The following NGEF variants were observed in gnomAD, a reference collection of about 807,000 sequenced individuals.
NGEF encodes neuronal guanine nucleotide exchange factor.
A neutral mutation model predicts 80.9 loss-of-function variants in NGEF; 31 were observed. The ratio of observed to expected loss-of-function variants is 0.38; its 90% CI spans 0.29 to 0.52. The LOEUF is 0.52. Among genes scored for constraint, NGEF ranks in the 20% least tolerant of loss-of-function variants. NGEF has a pLI of 0.84. For synonymous variants in NGEF, 371 were observed against 370.2 expected (o/e 1.00, Z -0.03); for missense variants, 709 against 926.2 (o/e 0.77, Z 3.04).
chr2:232,912,512 G>C (rs1438433444), intron 5 of NGEF, among the ~76,000 whole-genome samples: 1 of 152,140 alleles, frequency 6.6e-6, no homozygotes, highest in African/African-American at 2.4e-5. Flanking sequence ...TTTCTATCAG[G>C]TGATGCTGGC....
Position 232,892,804 on chromosome 2 carries a change from T to C in NGEF, c.1142+94A>G, listed in dbSNP as rs546466477. ...TTGGGAACGCAGAGGTAAAGGACCATGAAGTGTCACCGTGTAAGGAGCCTG... is the reference window on the plus strand; with the variant it reads ...TTGGGAACGCAGAGGTAAAGGACCACGAAGTGTCACCGTGTAAGGAGCCTG... On this transcript the variant is annotated intron_variant, in intron 7 of 14. Coordinates refer to ENST00000264051, the MANE Select transcript of NGEF (RefSeq NM_019850.3). This position sits in a 1 kb window ranked among gnomAD's most constrained non-coding sequence, Gnocchi z 4.0. The C allele has an allele frequency of 4.8e-5, 65 of 1,367,740 alleles. No homozygotes were observed. The highest frequency in any genetic ancestry group is 6.4e-5 in the Non-Finnish European group (63 of 984,778). 84.7% of individuals were successfully genotyped at this position (1,367,740 alleles called of 1,614,324 possible).
At chr2:233,000,516 G>C (rs1243683833) in intron 1 of NGEF, among the ~76,000 whole-genome samples, 1 of 152,112 alleles carries the variant, frequency 6.6e-6, no homozygotes, top group African/African-American at 2.4e-5. Flanking sequence ...CCAGCACTTT[G>C]GGAGGCCGAG....
intron 5 of NGEF, among the ~76,000 whole-genome samples, chr2:232,915,794 G>A (rs1047407053): frequency 6.6e-6 from 1 of 152,058 alleles, no homozygotes; most frequent in African/African-American, 2.4e-5. Flanking sequence ...AGGTTCAAGC[G>A]ATTCTCCTGC....
chr2:232,941,298 T>C, intron 3 of NGEF, among the ~76,000 whole-genome samples: 1 of 124,374 alleles, frequency 8.0e-6, no homozygotes, highest in Non-Finnish European at 1.6e-5. Context: ...GTCAGAATCT[T>C]GTAACTTCCA....
intron 1 of NGEF, among the ~76,000 whole-genome samples, chr2:232,980,200 T>C (rs1015835559): frequency 1.3e-5 from 2 of 152,170 alleles, no homozygotes; most frequent in Non-Finnish European, 2.9e-5. Context: ...GAGGTGGCTG[T>C]TACACCTCCC....
chr2:232,971,776 T>A (rs527973103), intron 2 of NGEF, among the ~76,000 whole-genome samples: 2 of 152,334 alleles, frequency 1.3e-5, no homozygotes, highest in African/African-American at 4.8e-5. Context: ...GTTCTGTCTA[T>A]CTGGTGTCAG....
Position 232,879,426 on chromosome 2 carries a change from C to CA in NGEF, c.*62_*63insT, listed in dbSNP as rs1460032172. 1 of 1,435,378 alleles carries CA rather than the reference C, an allele frequency of 7.0e-7. No individual in the cohort carries two copies. The highest frequency in any genetic ancestry group is 9.5e-7 in the Non-Finnish European group (1 of 1,053,634). 88.9% of individuals were successfully genotyped at this position (1,435,378 alleles called of 1,614,324 possible). On this transcript the variant is annotated 3_prime_UTR_variant, in exon 15 of 15. Coordinates refer to ENST00000264051, the MANE Select transcript of NGEF (RefSeq NM_019850.3). Reference sequence around the variant, plus strand: ...CTGGCCTGTGCTTCCCAGAGCCCCCCCCCCCCCACCTTCTGTCGGGGTCTC... The same window carrying CA: ...CTGGCCTGTGCTTCCCAGAGCCCCCCACCCCCCCACCTTCTGTCGGGGTCTC...
Position 232,879,518 on chromosome 2 carries a change from T to C in NGEF, c.2104A>G (p.Arg702Gly). The C allele has an allele frequency of 6.2e-7, 1 of 1,609,774 alleles. No individual in the cohort carries two copies. Among genetic ancestry groups the C allele is most frequent in the Non-Finnish European group, 8.5e-7 (1 of 1,176,940 alleles). Residue 702 changes from arginine to glycine, a missense_variant, in exon 15 of 15, where the codon AGG becomes GGG. Physicochemically the swap from Arg to Gly is moderately radical, Grantham distance 125. This residue lies in a region of NGEF where 426 missense variants were observed against 622.9 expected (regional missense o/e 0.68). Coordinates refer to ENST00000264051, the MANE Select transcript of NGEF (RefSeq NM_019850.3). ...TGCCGATTCCGGCTGCCCAGCTTCCTGCGGTCCTTGTTCTGGCTGCGCTGA... is the reference window on the plus strand; with the variant it reads ...TGCCGATTCCGGCTGCCCAGCTTCCCGCGGTCCTTGTTCTGGCTGCGCTGA... ...DPQRSQNKDR[R>G]KLGSRNRQ
At chr2:232,927,264 G>T in intron 3 of NGEF, 78 bp from the exon 4 acceptor site, 1 of 1,442,208 alleles carries the variant, frequency 6.9e-7, no homozygotes, top group South Asian at 1.4e-5. Context: ...AGGGGCGTGC[G>T]CACAGGCGGC....
chr2:232,966,587 A>G (rs927268056), intron 3 of NGEF, among the ~76,000 whole-genome samples: 43 of 147,016 alleles, frequency 2.9e-4, no homozygotes, highest in Non-Finnish European at 7.4e-5. Flanking sequence ...CCCATGGGGA[A>G]GGGTAGGAAA....
chr2:232,881,875 C>G (rs1398830957), intron 13 of NGEF, among the ~76,000 whole-genome samples: 1 of 152,176 alleles, frequency 6.6e-6, no homozygotes, highest in Non-Finnish European at 1.5e-5. Context: ...CTGCACCTGG[C>G]TTTTTTCTAG....
chr2:232,879,731 T>C (rs1296508669), intron 14 of NGEF, 52 bp from the exon 15 acceptor site: 1 of 1,550,208 alleles, frequency 6.5e-7, no homozygotes, highest in East Asian at 2.3e-5. Context: ...GGGCACAGGC[T>C]GCACAGAGGC....
At chr2:232,925,998 TCTC>T (rs1559211186) in intron 4 of NGEF, among the ~76,000 whole-genome samples, 1 of 151,890 alleles carries the variant, frequency 6.6e-6, no homozygotes, top group East Asian at 1.9e-4. Flanking sequence ...GCTCAGCTCC[TCTC>T]CGGGCTCAGT....
intron 6 of NGEF, 199 bp downstream of exon 6, chr2:232,894,557 G>A: frequency 2.1e-6 from 1 of 479,672 alleles, no homozygotes; most frequent in Non-Finnish European, 3.5e-6. Context: ...GGGACGCCGG[G>A]GGACGTGACT....
At chr2:232,984,992 A>G (rs1458702721) in intron 1 of NGEF, among the ~76,000 whole-genome samples, 2 of 152,062 alleles carry the variant, frequency 1.3e-5, no homozygotes, top group African/African-American at 4.8e-5. Flanking sequence ...GTGGACGGGG[A>G]GATTGGGGAC....
At chr2:232,951,196 C>T (rs528057683) in intron 3 of NGEF, among the ~76,000 whole-genome samples, 11 of 152,190 alleles carry the variant, frequency 7.2e-5, no homozygotes, top group Non-Finnish European at 1.2e-4. Flanking sequence ...ACCATTCTGC[C>T]TTTAGCCTCT....
intron 3 of NGEF, chr2:232,927,917 G>A (rs1457432353): frequency 3.8e-6 from 5 of 1,328,696 alleles, no homozygotes; most frequent in Non-Finnish European, 4.8e-6. Context: ...TCCCGCCGCC[G>A]AGTCGCGCGC....
intron 3 of NGEF, among the ~76,000 whole-genome samples, chr2:232,966,873 G>A (rs1020381167): frequency 2.0e-5 from 3 of 152,056 alleles, no homozygotes; most frequent in African/African-American, 7.2e-5. Context: ...GGAGGCGGGT[G>A]AGGAGCTAAG....
chr2:232,911,279 A>C (rs754982902), intron 5 of NGEF, among the ~76,000 whole-genome samples: 43 of 152,044 alleles, frequency 2.8e-4, no homozygotes, highest in Admixed American at 6.6e-5. Context: ...TTTTCCATTA[A>C]TTTGCTTTTG....
Sources: gnomAD v4.1 joint callset for allele counts (sites outside exome capture counted in the v4.1 genomes callset) on GRCh38, gnomAD v4.1.1 for gene constraint, gnomAD v4.1.1 regional missense constraint, Gnocchi (gnomAD v3.1) non-coding constraint, MANE v1.5 for transcripts, NCBI Gene and HGNC (gene_info 2026-07-23, HGNC 2026-07-21) for gene names.